DDR2: variants seen among roughly 807,000 people sequenced by gnomAD.
The protein encoded by DDR2 is discoidin domain-containing receptor 2.
DDR2 carries 27 observed loss-of-function variants against 94.9 expected under a neutral mutation model. The observed-to-expected ratio is 0.28, with a 90% CI of 0.21 to 0.39. The LOEUF is 0.39. Ranked by LOEUF, DDR2 falls within the 10% of genes least tolerant of loss-of-function variation. The pLI is 1.00. For synonymous variants in DDR2, 382 were observed against 377.2 expected (o/e 1.01, Z -0.15); for missense variants, 783 against 1,076.0 (o/e 0.73, Z 3.81).
upstream of DDR2, chr1:162,632,104 TG>T (rs1656586112): frequency 7.6e-6 from 1 of 130,760 alleles, no homozygotes; most frequent in Non-Finnish European, 1.6e-5. Context: ...GTAAGAAAAA[TG>T]AGGTGTGGGG....
chr1:162,718,900 AG>A lies in DDR2; in HGVS notation c.-27-136del, dbSNP rs1661288111. Reference sequence around the variant, plus strand: ...TCAACTCCCAAAGTCTGTGATTCGAAGTCCCATATATAAAAACAAACACTGC... The same window carrying A: ...TCAACTCCCAAAGTCTGTGATTCGAATCCCATATATAAAAACAAACACTGC... On this transcript the variant is annotated intron_variant, in intron 2 of 17. Coordinates refer to ENST00000367921, the MANE Select transcript of DDR2 (RefSeq NM_006182.4). 7.6e-6 allele frequency: 6 copies of A among 788,452 alleles called. No homozygotes were observed. In the South Asian group the frequency reaches 9.1e-5, roughly 12 times the overall value. The allele number at this position is 788,452 out of a possible 1,614,324, so 48.8% of individuals were successfully genotyped here.
At chr1:162,670,984 C>A (rs1459153761) in intron 2 of DDR2, among the ~76,000 whole-genome samples, 1 of 152,186 alleles carries the variant, frequency 6.6e-6, no homozygotes, top group African/African-American at 2.4e-5. Flanking sequence ...CTGTATTTAA[C>A]CTTTTCTTCA....
chr1:162,721,436 C>T (rs973578276), intron 3 of DDR2, among the ~76,000 whole-genome samples: 28 of 152,186 alleles, frequency 1.8e-4, no homozygotes, highest in Non-Finnish European at 4.4e-5. Context: ...TAATCCTTCT[C>T]TCTGCCATTT....
At chr1:162,687,851 C>G (rs1212474384) in intron 2 of DDR2, among the ~76,000 whole-genome samples, 2 of 152,144 alleles carry the variant, frequency 1.3e-5, no homozygotes, top group African/African-American at 4.8e-5. Flanking sequence ...ATATGCCAAG[C>G]ATTAATGGGG....
chr1:162,703,914 A>G lies in DDR2; in HGVS notation c.-27-15123A>G, dbSNP rs574309380. On this transcript the variant is annotated intron_variant, in intron 2 of 17. Coordinates refer to ENST00000367921, the MANE Select transcript of DDR2 (RefSeq NM_006182.4). ...ATCCCCATGGGATTGATGACATCAT[A>G]CGCCATTGGCTCCTATTGCACACAA... Among the ~76,000 whole-genome samples the G allele has an allele frequency of 5.6e-4, 85 of 152,242 alleles. 1 individual carries two copies. The highest frequency in any genetic ancestry group is 1.9e-3 in the African/African-American group (78 of 41,552).
At chr1:162,666,896 A>T (rs912657578) in intron 2 of DDR2, among the ~76,000 whole-genome samples, 21 of 149,382 alleles carry the variant, frequency 1.4e-4, no homozygotes, top group East Asian at 3.9e-4. Context: ...ATATATATAT[A>T]TTTTTTATAA....
intron 2 of DDR2, among the ~76,000 whole-genome samples, chr1:162,662,281 A>C (rs530334351): frequency 6.6e-6 from 1 of 152,214 alleles, no homozygotes; most frequent in Non-Finnish European, 1.5e-5. Flanking sequence ...AGGATGCAGG[A>C]AAAACCTGAA....
At chr1:162,769,410 T>A (rs1664155839) in intron 11 of DDR2, among the ~76,000 whole-genome samples, 1 of 152,212 alleles carries the variant, frequency 6.6e-6, no homozygotes, top group Non-Finnish European at 1.5e-5. Context: ...TAGGATAATT[T>A]TGGTGGTGTC....
At chr1:162,778,501 G>C (rs1185298480) in intron 16 of DDR2, 79 bp from the exon 17 acceptor site, 2 of 1,572,478 alleles carry the variant, frequency 1.3e-6, no homozygotes, top group Non-Finnish European at 1.7e-6. Context: ...AAGGGGTATA[G>C]CTGCAGATTA....
rs188274608 is a variant in DDR2, at chr1:162,696,141, G to A, written c.-27-22896G>A. The stretch of plus-strand genomic sequence containing the variant: ...GAGAGAAGTGATAGTAAATTTCATG[G>A]GTTCGGCATATCTTCTGACCGACAG... On this transcript the variant is annotated intron_variant, in intron 2 of 17. Transcript: ENST00000367921. 1.8e-3 allele frequency among the ~76,000 whole-genome samples: 271 copies of A among 151,604 alleles called. 1 individual carries two copies. Among genetic ancestry groups the A allele is most frequent in the African/African-American group, 6.4e-3 (263 of 41,256 alleles).
At chr1:162,767,576 G>C (rs1664060840) in intron 11 of DDR2, among the ~76,000 whole-genome samples, 1 of 152,094 alleles carries the variant, frequency 6.6e-6, no homozygotes, top group African/African-American at 2.4e-5. Context: ...ACGTTCCTCG[G>C]AAATGCAGAA....
chr1:162,675,832 A>T (rs1351031349), intron 2 of DDR2, among the ~76,000 whole-genome samples: 1 of 152,226 alleles, frequency 6.6e-6, no homozygotes, highest in Non-Finnish European at 1.5e-5. Context: ...GACTGAAGTC[A>T]TGAGCACAGA....
At chr1:162,647,758 A>G (rs1004764671) in intron 1 of DDR2, among the ~76,000 whole-genome samples, 4 of 152,208 alleles carry the variant, frequency 2.6e-5, no homozygotes, top group Non-Finnish European at 5.9e-5. Flanking sequence ...TTAATGCATT[A>G]TAATTAGCGT....
At chr1:162,687,031 G>A (rs565972719) in intron 2 of DDR2, among the ~76,000 whole-genome samples, 2 of 152,344 alleles carry the variant, frequency 1.3e-5, no homozygotes, top group South Asian at 2.1e-4. Flanking sequence ...TGGGGCTCAG[G>A]AGGGCTCCTG....
chr1:162,643,049 T>C (rs1657220931), intron 1 of DDR2, among the ~76,000 whole-genome samples: 1 of 152,174 alleles, frequency 6.6e-6, no homozygotes, highest in African/African-American at 2.4e-5. Flanking sequence ...CCTTTTGCTA[T>C]ATTTTGGTGG....
chr1:162,640,365 C>A (rs1657069188), intron 1 of DDR2, among the ~76,000 whole-genome samples: 1 of 151,956 alleles, frequency 6.6e-6, no homozygotes, highest in African/African-American at 2.4e-5. Context: ...ATATCACAGA[C>A]CATTAGGTTT....
chr1:162,705,875 A>C (rs980448195), intron 2 of DDR2, among the ~76,000 whole-genome samples: 9 of 152,244 alleles, frequency 5.9e-5, no homozygotes, highest in African/African-American at 2.2e-4. Context: ...CCTGATACAT[A>C]ATAAGTGCTC....
At chr1:162,683,860 G>GT (rs543855294) in intron 2 of DDR2, among the ~76,000 whole-genome samples, 34 of 151,872 alleles carry the variant, frequency 2.2e-4, no homozygotes, top group Admixed American at 1.2e-3. Flanking sequence ...CAGCAACGTT[G>GT]TTTTTTTTAA....
intron 2 of DDR2, among the ~76,000 whole-genome samples, chr1:162,683,612 T>C (rs1224976282): frequency 6.6e-6 from 1 of 152,082 alleles, no homozygotes. Flanking sequence ...TAAGTGTAAG[T>C]ACATTTAAAT....
Sources: allele counts gnomAD v4.1 joint callset (sites outside exome capture counted in the v4.1 genomes callset), GRCh38; gene constraint gnomAD v4.1.1; transcripts MANE v1.5; gene names NCBI Gene and HGNC (gene_info 2026-07-23, HGNC 2026-07-21).